The following COL10A1 variants were observed in gnomAD, a reference collection of about 807,000 sequenced individuals.
COL10A1 encodes the protein collagen type X alpha 1 chain.
Under a neutral mutation model 18.2 loss-of-function variants are expected in COL10A1, and 10 were observed. The observed-to-expected ratio is 0.55, with a 90% CI of 0.34 to 0.93. The LOEUF (loss-of-function observed/expected upper bound fraction) is 0.93. Among genes scored for constraint, COL10A1 ranks in the 40% least tolerant of loss-of-function variants. The pLI, the probability that COL10A1 is intolerant of heterozygous loss-of-function variation, is 0.02. For synonymous variants in COL10A1, 330 were observed against 316.6 expected, an observed-to-expected ratio of 1.04 and a Z score of -0.45; for missense variants, 897 against 853.5, an observed-to-expected ratio of 1.05 and a Z score of -0.64.
the COL10A1 span, among the ~76,000 whole-genome samples, chr6:116,187,230 A>C: frequency 6.6e-6 from 1 of 152,204 alleles, no homozygotes; most frequent in East Asian, 1.9e-4. Flanking sequence ...CAGGTCTCTT[A>C]GCTGTGGCTA....
chr6:116,179,474 A>G, the COL10A1 span, among the ~76,000 whole-genome samples: 2 of 152,170 alleles, frequency 1.3e-5, no homozygotes, highest in South Asian at 4.1e-4. Context: ...AAGTAGGCTA[A>G]GAACCCGAAT....
At chr6:116,147,492 TC>T (rs1779928074) in intron 1 of COL10A1, among the ~76,000 whole-genome samples, 1 of 151,992 alleles carries the variant, frequency 6.6e-6, no homozygotes, top group Non-Finnish European at 1.5e-5. Context: ...GAGAAAAATT[TC>T]CAACTCATGT....
At chr6:116,182,917 G>T in the COL10A1 span, among the ~76,000 whole-genome samples, 1 of 151,990 alleles carries the variant, frequency 6.6e-6, no homozygotes, top group African/African-American at 2.4e-5. Flanking sequence ...TGTTGAATTT[G>T]CTTTTGAGTT....
the COL10A1 span, among the ~76,000 whole-genome samples, chr6:116,168,933 C>A: frequency 6.6e-6 from 1 of 152,132 alleles, no homozygotes; most frequent in Non-Finnish European, 1.5e-5. Flanking sequence ...ATATCTGGTT[C>A]GTACTTCTTT....
chr6:116,121,076 C>T lies in COL10A1; in HGVS notation c.1040G>A (p.Gly347Glu), dbSNP rs1337593662. The T allele has an allele frequency of 6.2e-7, 1 of 1,614,042 alleles. No individual in the cohort carries two copies. Among genetic ancestry groups the T allele is most frequent in the East Asian group, 2.2e-5 (1 of 44,866 alleles). The change falls in exon 3 of 3, where the codon GGA (glycine) becomes GAA (glutamate). Residue 347 changes from glycine (G) to glutamate (E), a missense_variant. Physicochemically the swap from Gly to Glu is moderately conservative, Grantham distance 98. Transcript: ENST00000651968. Reference protein sequence around the residue: ...TGPPGNMGPQGPKGIPGSHGL... With the variant: ...TGPPGNMGPQEPKGIPGSHGL... The stretch of plus-strand genomic sequence containing the variant: ...ATGGCTACCCGGGATGCCTTTTGGT[C>T]CTTGGGGTCCCATATTCCCAGGGGG...
At chr6:116,195,210 G>A in the COL10A1 span, among the ~76,000 whole-genome samples, 1 of 151,930 alleles carries the variant, frequency 6.6e-6, no homozygotes, top group Non-Finnish European at 1.5e-5. Flanking sequence ...TTATAATATA[G>A]GCATATGATA....
At chr6:116,168,083 C>CT in the COL10A1 span, among the ~76,000 whole-genome samples, 414 of 119,002 alleles carry the variant, frequency 3.5e-3, 1 homozygote, top group East Asian at 7.2e-3. Flanking sequence ...TACCTGGTGT[C>CT]TTTTTTTTTT....
chr6:116,133,583 C>G (rs193167596), intron 1 of COL10A1, among the ~76,000 whole-genome samples: 1 of 152,236 alleles, frequency 6.6e-6, no homozygotes, highest in Non-Finnish European at 1.5e-5. Context: ...ATCGTCAAAA[C>G]GGATACTTAT....
chr6:116,151,933 A>G (rs1223278478), intron 1 of COL10A1, among the ~76,000 whole-genome samples: 3 of 152,354 alleles, frequency 2.0e-5, no homozygotes, highest in Middle Eastern at 3.4e-3. Flanking sequence ...TTTTATAAGA[A>G]CATGTTATTT....
the COL10A1 span, among the ~76,000 whole-genome samples, chr6:116,168,878 T>C: frequency 6.6e-6 from 1 of 152,170 alleles, no homozygotes; most frequent in Non-Finnish European, 1.5e-5. Context: ...TTTTTAGAGA[T>C]TGAGGTGATG....
At chr6:116,129,148 A>G (rs554283571), upstream of COL10A1, among the ~76,000 whole-genome samples, 24 of 152,270 alleles carry the variant, frequency 1.6e-4, 1 homozygote, top group East Asian at 4.2e-3. Flanking sequence ...CAATGTCATC[A>G]TCGTATTAAA....
chr6:116,150,376 C>T (rs1780009575), intron 1 of COL10A1, among the ~76,000 whole-genome samples: 1 of 152,070 alleles, frequency 6.6e-6, no homozygotes, highest in Non-Finnish European at 1.5e-5. Context: ...CCTCCACCTC[C>T]CAGGTTCAAG....
At chr6:116,200,356 A>G in the COL10A1 span, among the ~76,000 whole-genome samples, 1 of 152,034 alleles carries the variant, frequency 6.6e-6, no homozygotes, top group East Asian at 1.9e-4. Context: ...CAGAAAAGAG[A>G]CATTAGGTAA....
the COL10A1 span, among the ~76,000 whole-genome samples, chr6:116,177,330 A>G: frequency 6.6e-6 from 1 of 152,144 alleles, no homozygotes; most frequent in Non-Finnish European, 1.5e-5. Context: ...TAAAGAAAAA[A>G]CTTGATAGAA....
chr6:116,184,469 A>T, the COL10A1 span, among the ~76,000 whole-genome samples: 1 of 152,006 alleles, frequency 6.6e-6, no homozygotes, highest in African/African-American at 2.4e-5. Context: ...GATTGGTACC[A>T]ATTCTTTGAA....
intron 1 of COL10A1, among the ~76,000 whole-genome samples, chr6:116,139,979 G>C (rs1375266865): frequency 6.6e-6 from 1 of 152,040 alleles, no homozygotes; most frequent in Non-Finnish European, 1.5e-5. Context: ...CAGGTGTTTT[G>C]CTTTTCTTAT....
chr6:116,213,269 A>G, the COL10A1 span, among the ~76,000 whole-genome samples: 4 of 152,208 alleles, frequency 2.6e-5, no homozygotes, highest in Admixed American at 2.0e-4. Flanking sequence ...CAAGGGGCTC[A>G]CTATGTCTTG....
chr6:116,216,568 T>C, the COL10A1 span, among the ~76,000 whole-genome samples: 4,632 of 152,006 alleles, frequency 0.03, 230 homozygotes, highest in African/African-American at 0.1. Flanking sequence ...CCAGCTTTTA[T>C]TTGAGAGACT....
the COL10A1 span, among the ~76,000 whole-genome samples, chr6:116,196,112 A>G: frequency 1.3e-5 from 2 of 152,004 alleles, no homozygotes; most frequent in East Asian, 3.9e-4. Flanking sequence ...ACATCATGCT[A>G]TCCACAAGAG....
Sources: gnomAD v4.1 joint callset for allele counts (sites outside exome capture counted in the v4.1 genomes callset) on GRCh38, gnomAD v4.1.1 for gene constraint, MANE v1.5 for transcripts, NCBI Gene and HGNC (gene_info 2026-07-23, HGNC 2026-07-21) for gene names.